Variants in RPS20 observed in about 807,000 individuals in gnomAD.
RPS20 encodes the protein small ribosomal subunit protein uS10.
In RPS20, 3 loss-of-function variants were observed where a neutral mutation model predicts 15.3. The observed-to-expected ratio is 0.20, with a 90% CI of 0.09 to 0.51. RPS20 has a LOEUF of 0.51. Ranked by LOEUF, RPS20 falls within the 20% of genes least tolerant of loss-of-function variation. The probability of loss-of-function intolerance (pLI) is 0.96; values close to 1 mark genes in which losing one functional copy is unlikely to be tolerated. For synonymous variants in RPS20, 62 were observed against 47.8 expected (o/e 1.30, Z -1.23); for missense variants, 67 against 145.9 (o/e 0.46, Z 2.79).
downstream of RPS20, among the ~76,000 whole-genome samples, chr8:56,072,465 T>C (rs769723971): frequency 8.3e-4 from 125 of 150,888 alleles, no homozygotes; most frequent in Non-Finnish European, 1.4e-3. Context: ...GGCAGGAGAA[T>C]TGCTTGAACC....
At chr8:56,072,380 C>T (rs1429535152), downstream of RPS20, among the ~76,000 whole-genome samples, 2 of 151,922 alleles carry the variant, frequency 1.3e-5, no homozygotes, top group African/African-American at 2.4e-5. Flanking sequence ...GACAAAACCC[C>T]ATCTCTACTA....
chr8:56,072,707 T>G (rs943741545), downstream of RPS20: 2 of 199,400 alleles, frequency 1.0e-5, no homozygotes, highest in East Asian at 3.7e-4. Flanking sequence ...TTAAACTTGG[T>G]TAATTTAAAA....
In RPS20 at chr8:56,074,160, C is replaced by CTATTA; in HGVS notation, c.4-6_4-2dup. 6.2e-7 allele frequency: 1 copy of CTATTA among 1,609,730 alleles called. No homozygotes were observed. Among genetic ancestry groups the CTATTA allele is most frequent in the Non-Finnish European group, 8.5e-7 (1 of 1,178,760 alleles). On this transcript the variant is annotated splice_acceptor_variant, in intron 1 of 3. Coordinates refer to ENST00000009589, the MANE Select transcript of RPS20 (RefSeq NM_001023.4). LOFTEE classifies it high-confidence loss of function. ...GTGTTTTTCCGGTATCCTTAAAAGCCTATTATTAGATACATGAAAAAGAAC... is the reference window on the plus strand; with the variant it reads ...GTGTTTTTCCGGTATCCTTAAAAGCCTATTATATTATTAGATACATGAAAAAGAAC...
At chr8:56,069,662 A>G (rs1337619503), downstream of RPS20, 1 of 1,304,592 alleles carries the variant, frequency 7.7e-7, no homozygotes, top group Non-Finnish European at 1.1e-6. Flanking sequence ...AATTAAACAA[A>G]AAAGAATACA....
Position 56,073,679 on chromosome 8 carries a change from C to T in RPS20, c.177+16G>A. On this transcript the variant is annotated intron_variant, in intron 3 of 3. Transcript: ENST00000009589. ...CGGAAGCAACTCCTACTTCCTGCCC[C>T]TCCGATTTACTTTACCTTGGTAGGC... 1 of 1,609,152 alleles carries T rather than the reference C, an allele frequency of 6.2e-7. No homozygotes were observed.
At chr8:56,070,673 G>A (rs545648083), downstream of RPS20, among the ~76,000 whole-genome samples, 17 of 150,860 alleles carry the variant, frequency 1.1e-4, no homozygotes, top group African/African-American at 3.4e-4. Context: ...AGGCTGCAGC[G>A]AGCCATGTTC....
rs767803144 is a variant in RPS20 at position 56,074,146 on chromosome 8, G to A, written c.17C>T (p.Thr6Ile). 3.1e-6 allele frequency: 5 copies of A among 1,612,196 alleles called. No homozygotes were observed. Among genetic ancestry groups the A allele is most frequent in the East Asian group, 2.2e-5 (1 of 44,886 alleles). Reference protein sequence around the residue: MAFKDTGKTPVEPEVA... With the variant: MAFKDIGKTPVEPEVA... ...CTCCGGCTCCACGGGTGTTTTTCCG[G>A]TATCCTTAAAAGCCTATTATTAGAT... The change falls in exon 2 of 4, where the codon ACC (threonine) becomes ATC (isoleucine). Residue 6 changes from threonine (T) to isoleucine (I), a missense_variant. Thr to Ile is a moderately conservative substitution (Grantham distance 89). Transcript: ENST00000009589.
intron 1 of RPS20, 43 bp from the exon 2 acceptor site, chr8:56,074,202 T>G (rs750111030): frequency 1.3e-6 from 2 of 1,561,488 alleles, no homozygotes; most frequent in Non-Finnish European, 8.8e-7. Context: ...CCAAAAATGG[T>G]CTGCCACTTC....
intron 3 of RPS20, 99 bp downstream of exon 3, chr8:56,073,596 T>C: frequency 1.1e-6 from 1 of 921,468 alleles, no homozygotes; most frequent in Non-Finnish European, 1.8e-6. Flanking sequence ...GTAGACAGCA[T>C]CAGTGTTAAC....
At chr8:56,070,524 A>G (rs763235895), downstream of RPS20, among the ~76,000 whole-genome samples, 1 of 152,040 alleles carries the variant, frequency 6.6e-6, no homozygotes, top group Non-Finnish European at 1.5e-5. Flanking sequence ...TCGCCTGAGC[A>G]TAGGAGTTTG....
At chr8:56,068,702 G>C (rs547784993), downstream of RPS20, among the ~76,000 whole-genome samples, 2 of 146,334 alleles carry the variant, frequency 1.4e-5, no homozygotes, top group South Asian at 4.4e-4. Flanking sequence ...ATATGATATT[G>C]TACTGACTCC....
rs1809853446 is a variant in RPS20 at position 56,074,057 on chromosome 8, G to A, written c.103+3C>T. ...CTCCCCCCCGCATAACGAATGCACT[G>A]ACCCTTTTCCAAGGATTTTACGTTG... is the stretch of plus-strand genomic sequence containing the variant. On this transcript the variant is annotated splice_donor_region_variant and intron_variant, in intron 2 of 3. Transcript: ENST00000009589. 2 of 1,610,424 alleles carry A rather than the reference G, an allele frequency of 1.2e-6. No individual in the cohort carries two copies. Among genetic ancestry groups the A allele is most frequent in the Non-Finnish European group, 1.7e-6 (2 of 1,176,982 alleles).
intron 1 of RPS20, 81 bp from the exon 2 acceptor site, chr8:56,074,240 C>A (rs1169637532): frequency 2.0e-6 from 3 of 1,526,140 alleles, no homozygotes; most frequent in Non-Finnish European, 2.7e-6. Flanking sequence ...CGGAAGCTTC[C>A]CGCGTTTCCC....
chr8:56,071,401 A>G (rs924664010), downstream of RPS20, among the ~76,000 whole-genome samples: 3 of 152,242 alleles, frequency 2.0e-5, no homozygotes, highest in Non-Finnish European at 2.9e-5. Context: ...ACTGATAGCT[A>G]AACAGCTCCC....
downstream of RPS20, among the ~76,000 whole-genome samples, chr8:56,072,121 G>A (rs551398416): frequency 5.3e-5 from 8 of 152,140 alleles, no homozygotes; most frequent in South Asian, 1.0e-3. Flanking sequence ...TGCTTGTTAA[G>A]TCCCAGCTAC....
intron 2 of RPS20, 114 bp downstream of exon 2, chr8:56,073,946 T>C (rs1314425137): frequency 7.0e-6 from 8 of 1,139,782 alleles, no homozygotes; most frequent in South Asian, 1.2e-5. Flanking sequence ...TTTACTTTTT[T>C]AAGTAACTTG....
rs772174267 is a variant in RPS20 at position 56,074,048 on chromosome 8, G to A, written c.103+12C>T. 2 of 1,602,096 alleles carry A rather than the reference G, an allele frequency of 1.2e-6. No homozygotes were observed. The highest frequency in any genetic ancestry group is 2.2e-5 in the East Asian group (1 of 44,812). On this transcript the variant is annotated intron_variant, in intron 2 of 3. Coordinates refer to ENST00000009589, the MANE Select transcript of RPS20 (RefSeq NM_001023.4). ...CAATTCCCCCTCCCCCCCGCATAAC[G>A]AATGCACTGACCCTTTTCCAAGGAT...
At chr8:56,073,940 CTTTTT>C (rs1321736266) in intron 2 of RPS20, 115 bp downstream of exon 2, 2 of 1,133,126 alleles carry the variant, frequency 1.8e-6, no homozygotes, top group South Asian at 1.2e-5. Context: ...CCACGCTTTA[CTTTTT>C]TAAGTAACTT....
At chr8:56,072,558 C>CA (rs376974506), downstream of RPS20, among the ~76,000 whole-genome samples, 114 of 138,902 alleles carry the variant, frequency 8.2e-4, 1 homozygote, top group African/African-American at 1.8e-3. Flanking sequence ...TCCCCCCCCC[C>CA]AAAAAAAAAA....
Sources: gnomAD v4.1 joint callset for allele counts (sites outside exome capture counted in the v4.1 genomes callset) on GRCh38, gnomAD v4.1.1 for gene constraint, MANE v1.5 for transcripts, NCBI Gene and HGNC (gene_info 2026-07-23, HGNC 2026-07-21) for gene names.